Variants in PRRC2B observed in about 807,000 individuals in gnomAD.
PRRC2B encodes the protein protein PRRC2B.
In PRRC2B, 68 loss-of-function variants were observed where a neutral mutation model predicts 242.3. The observed-to-expected ratio is 0.28, with a 90% CI of 0.23 to 0.34. The LOEUF (loss-of-function observed/expected upper bound fraction) is 0.34, where lower values mean the gene tolerates loss of function less well. PRRC2B is among the 10% of genes least tolerant of loss of function. The pLI is 1.00. For missense variants in PRRC2B, 2,835 were observed against 2,954.8 expected (o/e 0.96, Z 0.94); for synonymous variants, 1,228 against 1,173.6 (o/e 1.05, Z -0.95).
At chr9:131,460,886 G>A (rs1403024957) in intron 11 of PRRC2B, among the ~76,000 whole-genome samples, 1 of 152,188 alleles carries the variant, frequency 6.6e-6, no homozygotes, top group Admixed American at 6.5e-5. Flanking sequence ...CTGAGACCCA[G>A]CAGGCTCCTT....
chr9:131,490,011 A>G (rs1944142140), intron 28 of PRRC2B, among the ~76,000 whole-genome samples: 1 of 152,004 alleles, frequency 6.6e-6, no homozygotes, highest in South Asian at 2.1e-4. Flanking sequence ...GTGTTTCAAG[A>G]GTCATGGCTC....
intron 1 of PRRC2B, among the ~76,000 whole-genome samples, chr9:131,423,528 C>CCGGTCAGTGGAGATCCCTGCAA (rs1837901108): frequency 1.3e-5 from 2 of 152,202 alleles, no homozygotes; most frequent in African/African-American, 4.8e-5. Flanking sequence ...TCGCACTCAG[C>CCGGTCAGTGGAGATCCCTGCAA]CGGTCAGTGG....
At chr9:131,386,529 C>T (rs1836827692) in intron 1 of PRRC2B, among the ~76,000 whole-genome samples, 2 of 150,162 alleles carry the variant, frequency 1.3e-5, no homozygotes, top group Admixed American at 1.4e-4. Context: ...TGACTTTCCC[C>T]CCTTAATACT....
chr9:131,403,850 T>C (rs948698905), intron 1 of PRRC2B, among the ~76,000 whole-genome samples: 1 of 151,982 alleles, frequency 6.6e-6, no homozygotes, highest in African/African-American at 2.4e-5. Flanking sequence ...TATACTATAT[T>C]GTATTGCAAC....
chr9:131,411,322 TG>T (rs1303049017), intron 1 of PRRC2B, among the ~76,000 whole-genome samples: 2 of 144,402 alleles, frequency 1.4e-5, no homozygotes, highest in African/African-American at 2.6e-5. Flanking sequence ...TTTTTTTGTT[TG>T]TTTTTTTGTT....
chr9:131,465,348 C>G (rs762899877), intron 12 of PRRC2B, among the ~76,000 whole-genome samples: 10 of 152,172 alleles, frequency 6.6e-5, no homozygotes, highest in African/African-American at 2.4e-4. Flanking sequence ...GATCCTATCA[C>G]CCAGGTACTG....
At chr9:131,474,404 C>T in intron 15 of PRRC2B, 50 bp from the exon 16 acceptor site, 3 of 1,487,028 alleles carry the variant, frequency 2.0e-6, no homozygotes, top group South Asian at 1.3e-5. Flanking sequence ...GCATGGAAAC[C>T]AGGAACCAGG....
chr9:131,430,522 G>T (rs201595760), intron 2 of PRRC2B, among the ~76,000 whole-genome samples: 4 of 83,434 alleles, frequency 4.8e-5, no homozygotes, highest in South Asian at 4.7e-4. Flanking sequence ...TAGATAGATA[G>T]ATAGATATCT....
rs770074588 is a variant in PRRC2B at position 131,474,474 on chromosome 9, C to A, written c.2345C>A (p.Ala782Asp). 6.2e-7 allele frequency: 1 copy of A among 1,609,376 alleles called. No homozygotes were observed. Among genetic ancestry groups the A allele is most frequent in the Admixed American group, 1.7e-5 (1 of 59,534 alleles). The change falls in exon 16 of 32, where the codon GCC (alanine) becomes GAC (aspartate). Residue 782 changes from alanine (A) to aspartate (D), a missense_variant. By Grantham distance (126) the Ala-to-Asp change is moderately radical. This residue lies in a region of PRRC2B where 1,536 missense variants were observed against 1,483.1 expected (regional missense o/e 1.04). Transcript: ENST00000683519. ...TTCAGGAATGAAAGCTCTTTCTCTG[C>A]CTCACTCGGAAGGGCAGGGGGCGTA... ...MRVRNESSFS[A>D]SLGRAGGVSA...
At chr9:131,431,136 GT>G (rs914707686) in intron 2 of PRRC2B, among the ~76,000 whole-genome samples, 1 of 151,574 alleles carries the variant, frequency 6.6e-6, no homozygotes, top group African/African-American at 2.4e-5. Context: ...TTTGTTTTTT[GT>G]TTTTCTTTTT....
rs562554740 is a variant in PRRC2B, at chr9:131,456,256, T to C, written c.1211+1090T>C. 3.3e-5 allele frequency among the ~76,000 whole-genome samples: 5 copies of C among 151,922 alleles called. No homozygotes were observed. The East Asian group carries it at 9.7e-4, about 29-fold the overall frequency. ...GGATCATTTCCTTGGACTAGTTTAG[T>C]TTTGTTTAATTTCCTTTAGAAAATA... On this transcript the variant is annotated intron_variant, in intron 10 of 31. Transcript: ENST00000683519.
intron 1 of PRRC2B, among the ~76,000 whole-genome samples, chr9:131,375,757 G>A (rs571278723): frequency 2.2e-4 from 34 of 152,158 alleles, no homozygotes; most frequent in African/African-American, 6.0e-4. Context: ...GGCTGGGCGC[G>A]GTGGCTCAGG....
Position 131,488,049 on chromosome 9 carries a change from G to A in PRRC2B, c.6178G>A (p.Ala2060Thr). 6.2e-7 allele frequency: 1 copy of A among 1,613,282 alleles called. No individual in the cohort carries two copies. Among genetic ancestry groups the A allele is most frequent in the Non-Finnish European group, 8.5e-7 (1 of 1,179,608 alleles). Residue 2060 changes from alanine to threonine, a missense_variant, in exon 28 of 32, where the codon GCT (alanine) becomes ACT (threonine). Physicochemically the swap from Ala to Thr is moderately conservative, Grantham distance 58. This residue lies in a region of PRRC2B where 574 missense variants were observed against 626.0 expected (regional missense o/e 0.92). Transcript: ENST00000683519. ...GGTCTACGAGGGCCAGCTCAGCCAG[G>A]CTGCTGGCCTGGGTGCCTCCCAGAT... The part of the protein sequence containing the change: ...ALVYEGQLSQ[A>T]AGLGASQMLD...
chr9:131,486,668 G>A (rs888146061), intron 26 of PRRC2B: 19 of 409,516 alleles, frequency 4.6e-5, no homozygotes, highest in African/African-American at 3.3e-4. Context: ...TGGTCTAGCC[G>A]CCCCTCAGAC....
chr9:131,379,509 A>C (rs1237610255), intron 1 of PRRC2B, among the ~76,000 whole-genome samples: 1 of 151,868 alleles, frequency 6.6e-6, no homozygotes, highest in Non-Finnish European at 1.5e-5. Context: ...GTTGTATCTC[A>C]TAGTGGTTTT....
chr9:131,420,074 GCTT>G (rs1307929196), intron 1 of PRRC2B, among the ~76,000 whole-genome samples: 3 of 152,130 alleles, frequency 2.0e-5, no homozygotes, highest in Non-Finnish European at 2.9e-5. Context: ...ACGCCTCAAT[GCTT>G]CTTTGTTTTT....
rs200374261 is a variant in PRRC2B, at chr9:131,488,004, A to G, written c.6133A>G (p.Met2045Val). 105 of 1,612,316 alleles carry G rather than the reference A, an allele frequency of 6.5e-5. No individual in the cohort carries two copies. The African/African-American group carries it at 1.2e-3, about 19-fold the overall frequency. Residue 2045 changes from methionine to valine, a missense_variant, in exon 28 of 32, where the codon ATG becomes GTG. Met to Val is a conservative substitution (Grantham distance 21). Transcript: ENST00000683519. The stretch of plus-strand genomic sequence containing the variant: ...GCAGTCTGGCTCACCCTACCAGCCC[A>G]TGAGCGGGAACCAAGCCCTGGTCTA... ...KPQSGSPYQP[M>V]SGNQALVYEG... is the part of the protein sequence containing the mutation.
chr9:131,439,843 C>G (rs1016440303), intron 5 of PRRC2B, among the ~76,000 whole-genome samples: 1 of 152,024 alleles, frequency 6.6e-6, no homozygotes, highest in African/African-American at 2.4e-5. Context: ...AAGCAATCCT[C>G]CCACCTCAGC....
rs371219217 is a variant in PRRC2B, at chr9:131,447,105, A to G, written c.876A>G (p.Ser292=). The change falls in exon 8 of 32, where the codon TCA becomes TCG. Residue 292 remains serine (S), a synonymous_variant. Transcript: ENST00000683519. ...LPAFMCSPKS[S]ENQGTVERGS... is the part of the protein sequence containing the mutation. ...TTCAGATGTGTTCGCCGAAGTCATC[A>G]GAAAACCAGGGTACAGTGGAACGAG... The G allele has an allele frequency of 1.2e-6, 2 of 1,613,958 alleles. No homozygotes were observed. Among genetic ancestry groups the G allele is most frequent in the African/African-American group, 1.3e-5 (1 of 74,952 alleles).
Sources: allele counts gnomAD v4.1 joint callset (sites outside exome capture counted in the v4.1 genomes callset), GRCh38; gene constraint gnomAD v4.1.1; regional missense constraint gnomAD v4.1.1; transcripts MANE v1.5; gene names NCBI Gene and HGNC (gene_info 2026-07-23, HGNC 2026-07-21).